Variants in FAM81A observed in about 807,000 individuals in gnomAD.
FAM81A encodes family with sequence similarity 81 member A.
A neutral mutation model predicts 46.7 loss-of-function variants in FAM81A; 19 were observed. The observed-to-expected ratio is 0.41, with a 90% confidence interval of 0.28 to 0.60. The LOEUF (loss-of-function observed/expected upper bound fraction) is 0.60. Among genes scored for constraint, FAM81A ranks in the 20% least tolerant of loss-of-function variants. The pLI is 0.34. For missense variants in FAM81A, 377 were observed against 453.5 expected (o/e 0.83, Z 1.53); for synonymous variants, 183 against 152.9 (o/e 1.20, Z -1.45).
At chr15:59,401,400 T>A (rs1220563564) in intron 1 of FAM81A, 1 of 792,986 alleles carries the variant, frequency 1.3e-6, no homozygotes, top group Non-Finnish European at 2.3e-6. Flanking sequence ...GACGGGTTCT[T>A]CTTTACACCA....
chr15:59,468,168 T>G (rs1483155258), intron 3 of FAM81A, among the ~76,000 whole-genome samples: 2 of 152,210 alleles, frequency 1.3e-5, no homozygotes, highest in Non-Finnish European at 2.9e-5. Context: ...CCTAAAAGTC[T>G]CTTTTTTTGT....
intron 2 of FAM81A, among the ~76,000 whole-genome samples, chr15:59,417,401 C>CAAAA (rs2081151264): frequency 6.6e-6 from 1 of 151,858 alleles, no homozygotes; most frequent in Non-Finnish European, 1.5e-5. Context: ...AACAAACAAA[C>CAAAA]AAACAAAAAA....
chr15:59,423,160 C>G (rs573733795), intron 2 of FAM81A, among the ~76,000 whole-genome samples: 2 of 152,098 alleles, frequency 1.3e-5, no homozygotes, highest in Admixed American at 6.5e-5. Flanking sequence ...TGCAGTGGCG[C>G]GATCTCGGCT....
upstream of FAM81A, among the ~76,000 whole-genome samples, chr15:59,434,217 G>T (rs73432625): frequency 0.019 from 2,912 of 152,312 alleles, 95 homozygotes; most frequent in African/African-American, 0.067. Flanking sequence ...GTAGAATTTA[G>T]ATTGAGTTAC....
intron 4 of FAM81A, among the ~76,000 whole-genome samples, chr15:59,498,555 T>C (rs2141780860): frequency 6.6e-6 from 1 of 152,326 alleles, no homozygotes; most frequent in Middle Eastern, 3.4e-3. Context: ...TCGAGTACGA[T>C]GTTGAATAAA....
At chr15:59,467,658 G>C (rs573413469) in intron 3 of FAM81A, among the ~76,000 whole-genome samples, 46 of 152,044 alleles carry the variant, frequency 3.0e-4, no homozygotes, top group Non-Finnish European at 8.8e-5. Context: ...CTGCAAACAG[G>C]GACAATTTGA....
At chr15:59,452,822 C>G (rs897659053) in intron 1 of FAM81A, among the ~76,000 whole-genome samples, 1 of 152,210 alleles carries the variant, frequency 6.6e-6, no homozygotes, top group Non-Finnish European at 1.5e-5. Flanking sequence ...AGTACAGTGG[C>G]ATGATCTCAG....
rs577245473 is a variant in FAM81A at position 59,516,343 on chromosome 15, T to C, written c.787-302T>C. Among the ~76,000 whole-genome samples the C allele has an allele frequency of 2.0e-5, 3 of 152,280 alleles. No individual in the cohort carries two copies. The East Asian group carries it at 5.8e-4, about 29-fold the overall frequency. The stretch of plus-strand genomic sequence containing the variant: ...CAGGGTTTCACCATGTTGGCCAGGC[T>C]TGTCTCGAACTCCTGACCTCAAGTG... On this transcript the variant is annotated intron_variant, in intron 7 of 8. Coordinates refer to ENST00000288228, the MANE Select transcript of FAM81A (RefSeq NM_152450.3).
intron 3 of FAM81A, among the ~76,000 whole-genome samples, chr15:59,491,475 A>T (rs1302427171): frequency 2.0e-5 from 3 of 152,200 alleles, no homozygotes; most frequent in Non-Finnish European, 4.4e-5. Flanking sequence ...ATTAAAAAAT[A>T]GTTAGAATTA....
intron 1 of FAM81A, among the ~76,000 whole-genome samples, chr15:59,400,391 C>T (rs959192421): frequency 6.6e-6 from 1 of 152,090 alleles, no homozygotes; most frequent in Admixed American, 6.6e-5. Context: ...CACACTAGCC[C>T]AAGCTACTAT....
At chr15:59,492,975 C>T (rs894540413) in intron 4 of FAM81A, among the ~76,000 whole-genome samples, 1 of 152,134 alleles carries the variant, frequency 6.6e-6, no homozygotes, top group African/African-American at 2.4e-5. Flanking sequence ...TGGGAAAGTC[C>T]GGGAAGCACT....
intron 4 of FAM81A, among the ~76,000 whole-genome samples, chr15:59,495,589 C>T (rs191501686): frequency 6.6e-5 from 10 of 152,304 alleles, no homozygotes; most frequent in African/African-American, 1.7e-4. Context: ...TGAGGAACAG[C>T]GCAGCTAGAC....
chr15:59,468,647 TA>T (rs201762928), intron 3 of FAM81A, among the ~76,000 whole-genome samples: 48 of 147,306 alleles, frequency 3.3e-4, no homozygotes, highest in East Asian at 1.2e-3. Context: ...TGTTGATGTT[TA>T]AAAAAAAAAA....
intron 2 of FAM81A, among the ~76,000 whole-genome samples, chr15:59,430,108 G>A (rs1772258015): frequency 6.6e-6 from 1 of 152,138 alleles, no homozygotes; most frequent in African/African-American, 2.4e-5. Context: ...GGTGATCACG[G>A]ACTCCTCAGC....
At chr15:59,430,383 GCCTC>G (rs1445543337) in intron 2 of FAM81A, among the ~76,000 whole-genome samples, 1 of 146,340 alleles carries the variant, frequency 6.8e-6, no homozygotes, top group East Asian at 2.1e-4. Flanking sequence ...TCCTGCCTCA[GCCTC>G]CTGTGTAGCT....
intron 4 of FAM81A, among the ~76,000 whole-genome samples, chr15:59,500,036 C>T (rs1363130719): frequency 4.0e-5 from 6 of 151,346 alleles, no homozygotes; most frequent in African/African-American, 1.5e-4. Context: ...TATTGTTGGT[C>T]GAGACAGGGT....
intron 1 of FAM81A, among the ~76,000 whole-genome samples, chr15:59,455,764 C>A (rs2081476008): frequency 6.6e-6 from 1 of 152,180 alleles, no homozygotes; most frequent in African/African-American, 2.4e-5. Context: ...TTTTGTGGCT[C>A]TGTTCAGGTA....
chr15:59,398,517 G>A (rs1396584519), intron 1 of FAM81A, among the ~76,000 whole-genome samples: 1 of 152,102 alleles, frequency 6.6e-6, no homozygotes, highest in Non-Finnish European at 1.5e-5. Flanking sequence ...TCAGCACTTT[G>A]GGAGGCCAAG....
chr15:59,509,298 T>C (rs976688338), intron 6 of FAM81A, among the ~76,000 whole-genome samples: 3 of 152,198 alleles, frequency 2.0e-5, no homozygotes, highest in Non-Finnish European at 4.4e-5. Context: ...CATTAATCAA[T>C]GACATAAATG....
Sources: allele counts gnomAD v4.1 joint callset (sites outside exome capture counted in the v4.1 genomes callset), GRCh38; gene constraint gnomAD v4.1.1; transcripts MANE v1.5; gene names NCBI Gene and HGNC (gene_info 2026-07-23, HGNC 2026-07-21).